Variants in GSE1 observed in about 807,000 individuals in gnomAD.
GSE1 encodes genetic suppressor element 1.
In GSE1, 32 loss-of-function variants were observed where a neutral mutation model predicts 112.6. That is an observed-to-expected ratio of 0.28 (90% CI 0.21 to 0.38). GSE1 has a LOEUF of 0.38. GSE1 is among the 10% of genes least tolerant of loss of function. GSE1 has a pLI of 1.00. For missense variants in GSE1, 2,348 were observed against 1,699.2 expected (o/e 1.38, Z -6.71); for synonymous variants, 1,115 against 735.6 (o/e 1.52, Z -8.35).
intron 2 of GSE1, among the ~76,000 whole-genome samples, chr16:85,515,306 C>A (rs1046352770): frequency 6.6e-6 from 1 of 152,392 alleles, no homozygotes; most frequent in Admixed American, 6.5e-5. Flanking sequence ...CCAGGAGGGG[C>A]CTGGTCTCAG....
chr16:85,444,659 C>T (rs963198136), intron 2 of GSE1, among the ~76,000 whole-genome samples: 2 of 151,868 alleles, frequency 1.3e-5, no homozygotes, highest in African/African-American at 4.9e-5. Flanking sequence ...CAACCCTCTC[C>T]ATGCATGTGC....
chr16:85,540,771 G>C (rs1463234583), intron 2 of GSE1, among the ~76,000 whole-genome samples: 1 of 152,104 alleles, frequency 6.6e-6, no homozygotes, highest in Non-Finnish European at 1.5e-5. Flanking sequence ...GCCAGGTGAA[G>C]TGGCATGGGC....
chr16:85,528,250 G>A (rs926393456), intron 2 of GSE1, among the ~76,000 whole-genome samples: 5 of 152,250 alleles, frequency 3.3e-5, no homozygotes, highest in Non-Finnish European at 7.3e-5. Flanking sequence ...GTTGAAAAGC[G>A]ATGTGGGGAA....
chr16:85,325,106 C>G (rs900046925), intron 1 of GSE1, among the ~76,000 whole-genome samples: 2 of 152,122 alleles, frequency 1.3e-5, no homozygotes, highest in African/African-American at 2.4e-5. Flanking sequence ...GTAGCTGGGA[C>G]TACAGGTGCA....
intron 1 of GSE1, among the ~76,000 whole-genome samples, chr16:85,621,746 A>G (rs910782423): frequency 6.6e-6 from 1 of 152,126 alleles, no homozygotes; most frequent in South Asian, 2.1e-4. Context: ...GTTTTGTGTC[A>G]TCCGTGTCTC....
Position 85,373,920 on chromosome 16 carries a change from C to T in GSE1, c.2464+16277C>T, listed in dbSNP as rs751405724. ...CAGGCACCCGCCCGGCCTCCCTCCC[C>T]GCTCCCCGCAGGCCCTGTCAGGTCA... On this transcript the variant is annotated intron_variant, in intron 2 of 2. Coordinates refer to the GSE1 transcript ENST00000637419. This position sits in a 1 kb window ranked among gnomAD's most constrained non-coding sequence, Gnocchi z 5.1. 5.9e-5 allele frequency among the ~76,000 whole-genome samples: 9 copies of T among 152,312 alleles called. No individual in the cohort carries two copies. The highest frequency in any genetic ancestry group is 2.1e-4 in the South Asian group (1 of 4,832).
In GSE1 at chr16:85,199,530, C is replaced by T. The variant is rs184449509; in HGVS notation, c.2283+27723C>T. Among the ~76,000 whole-genome samples, 9 of 152,322 alleles carry T rather than the reference C, an allele frequency of 5.9e-5. No individual in the cohort carries two copies. The East Asian group carries it at 1.3e-3, about 23-fold the overall frequency. The stretch of plus-strand genomic sequence containing the variant: ...GAGTGTCCAGCTGCGTTTAATTTAT[C>T]AGAGGCGCATCGGCTTAGCTGCGAA... On this transcript the variant is annotated intron_variant, in intron 1 of 2. Transcript: ENST00000637419.
intron 1 of GSE1, among the ~76,000 whole-genome samples, chr16:85,270,882 A>G (rs1027753981): frequency 3.3e-5 from 5 of 152,158 alleles, no homozygotes; most frequent in African/African-American, 1.2e-4. Context: ...GCAGGCGGAC[A>G]TGGAAAGAAG....
At chr16:85,625,158 C>T (rs949701947) in intron 1 of GSE1, among the ~76,000 whole-genome samples, 1 of 152,180 alleles carries the variant, frequency 6.6e-6, no homozygotes, top group Non-Finnish European at 1.5e-5. Flanking sequence ...CGAGGCCAGG[C>T]TGCCGCCCGC....
chr16:85,632,916 G>C (rs985191193), intron 1 of GSE1, among the ~76,000 whole-genome samples: 1 of 152,186 alleles, frequency 6.6e-6, no homozygotes. Flanking sequence ...TTGGACACAC[G>C]GGGTGGGCGG....
intron 2 of GSE1, among the ~76,000 whole-genome samples, chr16:85,549,913 CGTAA>C (rs1009360795): frequency 6.6e-5 from 10 of 152,094 alleles, no homozygotes; most frequent in African/African-American, 2.2e-4. Flanking sequence ...TGGGGCAGGT[CGTAA>C]GTAAGATGAC....
At chr16:85,532,716 T>C (rs1567566106) in intron 2 of GSE1, among the ~76,000 whole-genome samples, 1 of 152,248 alleles carries the variant, frequency 6.6e-6, no homozygotes, top group Non-Finnish European at 1.5e-5. Flanking sequence ...AGGATGGGCC[T>C]GTGGCTCCAG....
chr16:85,281,702 C>T (rs1567660180), intron 1 of GSE1, among the ~76,000 whole-genome samples: 1 of 152,182 alleles, frequency 6.6e-6, no homozygotes, highest in Non-Finnish European at 1.5e-5. Context: ...GGTGCATGGA[C>T]GTGGTTTTCA....
At chr16:85,403,751 G>A (rs1204577743) in intron 2 of GSE1, among the ~76,000 whole-genome samples, 1 of 152,162 alleles carries the variant, frequency 6.6e-6, no homozygotes, top group Non-Finnish European at 1.5e-5. Flanking sequence ...GCAGTGAGCT[G>A]TGATCCTGCC....
At chr16:85,662,850 T>G in intron 9 of GSE1, 131 bp from the exon 10 acceptor site, 1 of 647,522 alleles carries the variant, frequency 1.5e-6, no homozygotes, top group South Asian at 1.8e-5. Context: ...TGAAAGGAAC[T>G]GGCCTTCAGG....
At chr16:85,272,978 G>C (rs1312462411) in intron 1 of GSE1, among the ~76,000 whole-genome samples, 2 of 152,194 alleles carry the variant, frequency 1.3e-5, no homozygotes, top group East Asian at 3.9e-4. Flanking sequence ...ATTTCTCCAT[G>C]TTTATCAGGC....
At chr16:85,269,202 C>G (rs74031758) in intron 1 of GSE1, among the ~76,000 whole-genome samples, 2,049 of 149,472 alleles carry the variant, frequency 0.014, 85 homozygotes, top group African/African-American at 0.047. Context: ...ATGAGCCACC[C>G]CCACCTCCAA....
rs1290313480 is a variant in GSE1 at position 85,311,720 on chromosome 16, C to T, written c.2284-45743C>T. Among the ~76,000 whole-genome samples, 1 of 152,158 alleles carries T rather than the reference C, an allele frequency of 6.6e-6. No individual in the cohort carries two copies. Among genetic ancestry groups the T allele is most frequent in the African/African-American group, 2.4e-5 (1 of 41,440 alleles). On this transcript the variant is annotated intron_variant, in intron 1 of 2. Transcript: ENST00000637419. This position sits in a 1 kb window ranked among gnomAD's most constrained non-coding sequence, Gnocchi z 4.2. Reference sequence around the variant, plus strand: ...GATACCTCCTGCCTGCTTCATTTCCCAGATGTCTTAGGACCTGAGGTGGTG... The same window carrying T: ...GATACCTCCTGCCTGCTTCATTTCCTAGATGTCTTAGGACCTGAGGTGGTG...
At chr16:85,388,292 G>GTGGA (rs760888229) in intron 2 of GSE1, among the ~76,000 whole-genome samples, 16,960 of 47,646 alleles carry the variant, frequency 0.36, 5,252 homozygotes, top group East Asian at 0.51. Context: ...GGATGGGTGG[G>GTGGA]TGGATGGATG....
Sources: gnomAD v4.1 joint callset for allele counts (sites outside exome capture counted in the v4.1 genomes callset) on GRCh38, gnomAD v4.1.1 for gene constraint, Gnocchi (gnomAD v3.1) non-coding constraint, MANE v1.5 for transcripts, NCBI Gene and HGNC (gene_info 2026-07-23, HGNC 2026-07-21) for gene names.